The following PRKCQ variants were observed in gnomAD, a reference collection of about 807,000 sequenced individuals.
PRKCQ encodes protein kinase C theta, also known as protein kinase C theta type.
A neutral mutation model predicts 91.2 loss-of-function variants in PRKCQ; 41 were observed. The ratio of observed to expected loss-of-function variants is 0.45; its 90% confidence interval spans 0.35 to 0.58. PRKCQ has a LOEUF of 0.58. PRKCQ is among the 20% of genes least tolerant of loss of function. PRKCQ has a pLI of 0.00. For synonymous variants in PRKCQ, 307 were observed against 316.9 expected (o/e 0.97, Z 0.33); for missense variants, 673 against 896.5 (o/e 0.75, Z 3.18).
intron 1 of PRKCQ, among the ~76,000 whole-genome samples, chr10:6,550,108 C>T (rs896008579): frequency 6.6e-5 from 10 of 152,148 alleles, no homozygotes; most frequent in Admixed American, 2.0e-4. Flanking sequence ...TTCTACTTCC[C>T]GTTTCTGTGA....
chr10:6,429,152 G>C (rs1388274936), intron 17 of PRKCQ, among the ~76,000 whole-genome samples: 1 of 152,200 alleles, frequency 6.6e-6, no homozygotes, highest in Non-Finnish European at 1.5e-5. Flanking sequence ...TGAGGTCAAT[G>C]GCAGCTCAGA....
chr10:6,553,489 CAAAAAAAA>C (rs869196227), intron 1 of PRKCQ, among the ~76,000 whole-genome samples: 3 of 8,868 alleles, frequency 3.4e-4, no homozygotes, highest in Non-Finnish European at 1.2e-3. Flanking sequence ...GACCCTGTCT[CAAAAAAAA>C]AAAAAAAAAA....
At chr10:6,543,728 C>T (rs1485727778) in intron 1 of PRKCQ, among the ~76,000 whole-genome samples, 1 of 152,214 alleles carries the variant, frequency 6.6e-6, no homozygotes, top group Non-Finnish European at 1.5e-5. Flanking sequence ...CAGGGCTGAA[C>T]TGCAAGTGCT....
At chr10:6,552,620 C>A (rs1047170800) in intron 1 of PRKCQ, among the ~76,000 whole-genome samples, 3 of 152,156 alleles carry the variant, frequency 2.0e-5, no homozygotes, top group African/African-American at 4.8e-5. Flanking sequence ...TGCACCACCA[C>A]ACCCAGCTAG....
intron 7 of PRKCQ, among the ~76,000 whole-genome samples, chr10:6,496,216 C>CAAAAA (rs199934718): frequency 8.5e-5 from 8 of 94,202 alleles, no homozygotes; most frequent in African/African-American, 4.4e-4. Context: ...GATTCCATCT[C>CAAAAA]AAAAAAAAAA....
chr10:6,436,927 G>A (rs1422674668), intron 16 of PRKCQ, among the ~76,000 whole-genome samples: 3 of 152,124 alleles, frequency 2.0e-5, no homozygotes, highest in Non-Finnish European at 2.9e-5. Context: ...CTGAAGTATT[G>A]CATATCCTCA....
intron 1 of PRKCQ, among the ~76,000 whole-genome samples, chr10:6,565,667 A>C (rs1473242590): frequency 6.6e-6 from 1 of 152,212 alleles, no homozygotes; most frequent in Non-Finnish European, 1.5e-5. Context: ...TGTACTACAA[A>C]TATTAACAAA....
At position 6,445,399 on chromosome 10, in the gene PRKCQ, C is replaced by T. The variant is rs372865596; in HGVS notation, c.1648-3318G>A. 1.6e-4 allele frequency among the ~76,000 whole-genome samples: 24 copies of T among 152,234 alleles called. No individual in the cohort carries two copies. The South Asian group carries it at 1.9e-3, about 12-fold the overall frequency. ...CAAGAGTTTTTCTGGCCATGTAAAA[C>T]GTCACAGGCTCTACTTCTGGCTTAA... On this transcript the variant is annotated intron_variant, in intron 15 of 17. Transcript: ENST00000263125.
the PRKCQ span, among the ~76,000 whole-genome samples, chr10:6,411,054 T>TA: frequency 4.6e-4 from 69 of 151,430 alleles, no homozygotes; most frequent in African/African-American, 1.6e-3. Flanking sequence ...CGATTAGAGC[T>TA]AGCACGCTGA....
At chr10:6,417,421 A>G in the PRKCQ span, among the ~76,000 whole-genome samples, 2 of 152,254 alleles carry the variant, frequency 1.3e-5, no homozygotes, top group African/African-American at 2.4e-5. Context: ...GGTGATTATT[A>G]CATGCACCTG....
Position 6,441,946 on chromosome 10 carries a change from T to C in PRKCQ, c.1783A>G (p.Asn595Asp). 1 of 1,613,794 alleles carries C rather than the reference T, an allele frequency of 6.2e-7. No individual in the cohort carries two copies. Among genetic ancestry groups the C allele is most frequent in the South Asian group, 1.1e-5 (1 of 91,040 alleles). Residue 595 changes from asparagine to aspartate, a missense_variant, in exon 16 of 18, where the codon AAT becomes GAT. Physicochemically the swap from Asn to Asp is conservative, Grantham distance 23 (BLOSUM62 1). Transcript: ENST00000263125. Reference sequence around the variant, plus strand: ...TCCAGCCACCGTGGGTAAAAGGGATTGTCCATGCGGATGGAGTGGAAGAGC... The same window carrying C: ...TCCAGCCACCGTGGGTAAAAGGGATCGTCCATGCGGATGGAGTGGAAGAGC... The part of the protein sequence containing the change: ...EELFHSIRMD[N>D]PFYPRWLEKE...
chr10:6,451,333 C>T (rs372223671), intron 15 of PRKCQ, among the ~76,000 whole-genome samples: 89 of 152,060 alleles, frequency 5.9e-4, no homozygotes, highest in Middle Eastern at 3.4e-3. Context: ...CTAGAAGAAA[C>T]GGATAAATTC....
intron 1 of PRKCQ, among the ~76,000 whole-genome samples, chr10:6,545,284 G>A (rs1038033185): frequency 3.3e-5 from 5 of 152,218 alleles, no homozygotes; most frequent in South Asian, 2.1e-4. Flanking sequence ...ACTGGGCGCT[G>A]TCTGTTGCTT....
At chr10:6,533,116 T>C (rs1200100812) in intron 1 of PRKCQ, among the ~76,000 whole-genome samples, 1 of 152,092 alleles carries the variant, frequency 6.6e-6, no homozygotes, top group Non-Finnish European at 1.5e-5. Flanking sequence ...CTCCTCCCAT[T>C]ATCAACATCC....
rs916821897 is a variant in PRKCQ, at chr10:6,566,879, G to A, written c.-10+13332C>T. On this transcript the variant is annotated intron_variant, in intron 1 of 17. Transcript: ENST00000263125. ...TCACCTTTAGATATGGACCCAAATCGGAGTGCTTAGGGCTCTCAATATTAA... is the reference window on the plus strand; with the variant it reads ...TCACCTTTAGATATGGACCCAAATCAGAGTGCTTAGGGCTCTCAATATTAA... 2.4e-4 allele frequency among the ~76,000 whole-genome samples: 37 copies of A among 152,120 alleles called. No homozygotes were observed. In the East Asian group the frequency reaches 5.2e-3, roughly 21 times the overall value.
intron 16 of PRKCQ, among the ~76,000 whole-genome samples, chr10:6,432,017 A>G (rs1344046177): frequency 6.6e-6 from 1 of 152,252 alleles, no homozygotes; most frequent in Non-Finnish European, 1.5e-5. Context: ...GAGTCTAAAC[A>G]TTAACTTAGA....
intron 15 of PRKCQ, among the ~76,000 whole-genome samples, chr10:6,456,071 T>C (rs1470966230): frequency 6.6e-6 from 1 of 152,118 alleles, no homozygotes; most frequent in Admixed American, 6.6e-5. Context: ...GTGGGTTTAG[T>C]TGAATTGATG....
chr10:6,525,933 G>A (rs1027513162), intron 1 of PRKCQ, among the ~76,000 whole-genome samples: 8 of 152,246 alleles, frequency 5.3e-5, no homozygotes, highest in African/African-American at 1.9e-4. Flanking sequence ...CAGCTGCCCT[G>A]GGGAAGAATC....
At position 6,564,793 on chromosome 10, in the gene PRKCQ, C is replaced by T. The variant is rs1840777060; in HGVS notation, c.-10+15418G>A. On this transcript the variant is annotated intron_variant, in intron 1 of 17. Transcript: ENST00000263125. ...AGCAATTGATATCTTCAAAGCAATGCTCTGGGTCAAATAAACAATGTCAAA... is the reference window on the plus strand; with the variant it reads ...AGCAATTGATATCTTCAAAGCAATGTTCTGGGTCAAATAAACAATGTCAAA... 2.0e-5 allele frequency among the ~76,000 whole-genome samples: 3 copies of T among 152,270 alleles called. No individual in the cohort carries two copies. In the South Asian group the frequency reaches 6.2e-4, roughly 32 times the overall value.
Sources: allele counts gnomAD v4.1 joint callset (sites outside exome capture counted in the v4.1 genomes callset), GRCh38; gene constraint gnomAD v4.1.1; transcripts MANE v1.5; gene names NCBI Gene and HGNC (gene_info 2026-07-23, HGNC 2026-07-21).